Variants in KCNN1 observed in about 807,000 individuals in gnomAD.
KCNN1 encodes small conductance calcium-activated potassium channel protein 1.
Under a neutral mutation model 44.7 loss-of-function variants are expected in KCNN1, and 20 were observed. That is an observed-to-expected ratio of 0.45 (90% CI 0.32 to 0.65). The LOEUF is 0.65. Among genes scored for constraint, KCNN1 ranks in the 30% least tolerant of loss-of-function variants. The pLI, the probability that KCNN1 is intolerant of heterozygous loss-of-function variation, is 0.05. For missense variants in KCNN1, 632 were observed against 785.3 expected, an observed-to-expected ratio of 0.80 and a Z score of 2.33; for synonymous variants, 324 against 341.7, an observed-to-expected ratio of 0.95 and a Z score of 0.57.
Position 17,980,958 on chromosome 19 carries a change from T to A in KCNN1, c.499-751T>A, listed in dbSNP as rs537475046. ...CTCGCCAGGCACAGTGGCTCACACG[T>A]GTAATCCCAGCACTTTGGGAGGCCG... On this transcript the variant is annotated intron_variant, in intron 3 of 9. Transcript: ENST00000684775. 2.6e-5 allele frequency among the ~76,000 whole-genome samples: 4 copies of A among 152,252 alleles called. No individual in the cohort carries two copies. The South Asian group carries it at 8.3e-4, about 32-fold the overall frequency.
At chr19:17,980,784 T>G (rs1466265238) in intron 3 of KCNN1, among the ~76,000 whole-genome samples, 1 of 151,804 alleles carries the variant, frequency 6.6e-6, no homozygotes, top group Admixed American at 6.6e-5. Context: ...ATGCCTGTAA[T>G]CCCAGCTCCT....
chr19:17,988,595 C>T, intron 6 of KCNN1, 70 bp downstream of exon 6: 1 of 1,134,268 alleles, frequency 8.8e-7, no homozygotes, highest in Non-Finnish European at 1.3e-6. Flanking sequence ...CCCTGCTTTC[C>T]CTCTGTACGT....
At chr19:17,962,204 T>C (rs2031698155), upstream of KCNN1, among the ~76,000 whole-genome samples, 1 of 152,156 alleles carries the variant, frequency 6.6e-6, no homozygotes, top group Non-Finnish European at 1.5e-5. Context: ...CTGGTGGGCA[T>C]GACAGGGGCT....
intron 3 of KCNN1, among the ~76,000 whole-genome samples, chr19:17,978,957 G>A (rs1184599808): frequency 6.6e-6 from 1 of 151,704 alleles, no homozygotes; most frequent in African/African-American, 2.4e-5. Context: ...CTACTTGGGA[G>A]GTTGAGGTGG....
At chr19:17,987,231 T>C (rs1364961280) in intron 5 of KCNN1, among the ~76,000 whole-genome samples, 1 of 151,896 alleles carries the variant, frequency 6.6e-6, no homozygotes, top group African/African-American at 2.4e-5. Flanking sequence ...TGCTTCAGCC[T>C]CCTGAGTAGC....
rs368528532 is a variant in KCNN1 at position 17,993,138 on chromosome 19, G to A, written c.1307+76G>A. 5.9e-5 allele frequency: 92 copies of A among 1,565,918 alleles called. No individual in the cohort carries two copies. The South Asian group carries it at 8.0e-4, about 14-fold the overall frequency. On this transcript the variant is annotated intron_variant, in intron 8 of 9. Transcript: ENST00000684775. This position sits in a 1 kb window ranked among gnomAD's most constrained non-coding sequence, Gnocchi z 4.5. Reference sequence around the variant, plus strand: ...GTGGTCACAGACAGGGGGTACACCCGGGGCATGCCAACCCCAGCCTCAGAG... The same window carrying A: ...GTGGTCACAGACAGGGGGTACACCCAGGGCATGCCAACCCCAGCCTCAGAG...
At position 17,998,286 on chromosome 19, in the gene KCNN1, C is replaced by T. The variant is rs1342537013; in HGVS notation, c.1512C>T (p.Ala504=). ...TACAGGCCCTGCCTGGCCTCATCGC[C>T]CAAGCCATACGCCCACCCCCGCCTC... ...ASLQALPGLI[A]QAIRPPPPPL... The change falls in exon 10 of 10, where the codon GCC becomes GCT. Residue 504 remains alanine, a synonymous_variant. Transcript: ENST00000684775. This position sits in a 1 kb window ranked among gnomAD's most constrained non-coding sequence, Gnocchi z 5.4. The T allele has an allele frequency of 1.9e-6, 3 of 1,551,916 alleles. No individual in the cohort carries two copies. Among genetic ancestry groups the T allele is most frequent in the Admixed American group, 1.9e-5 (1 of 51,968 alleles).
In KCNN1 at chr19:17,989,900, C is replaced by T. The variant is rs1013774403; in HGVS notation, c.1298+57C>T. 6.2e-6 allele frequency: 10 copies of T among 1,609,698 alleles called. No homozygotes were observed. In the African/African-American group the frequency reaches 1.2e-4, roughly 19 times the overall value. On this transcript the variant is annotated intron_variant, in intron 7 of 9. Transcript: ENST00000684775. ...TGTGTCCACATGGCGCGGAGGCAGC[C>T]CTCGCAGCTCTGTGTGGCCTCTTCA...
rs2033125158 is a variant in KCNN1, at chr19:17,999,847, G to T, written c.*1441G>T. The T allele has an allele frequency of 2.5e-6, 1 of 398,036 alleles. No homozygotes were observed. Among genetic ancestry groups the T allele is most frequent in the African/African-American group, 2.1e-5 (1 of 48,252 alleles). The allele number at this position is 398,036 out of a possible 1,614,324, so 24.7% of individuals were successfully genotyped here. On this transcript the variant is annotated 3_prime_UTR_variant, in exon 10 of 10. Coordinates refer to ENST00000684775, the MANE Select transcript of KCNN1 (RefSeq NM_001386974.1). ...GATAACTAGGCCGTGGCTGGTGCAT[G>T]AATGACCAGCTTGGGCCCACGCACG... is the stretch of plus-strand genomic sequence containing the variant.
intron 7 of KCNN1, among the ~76,000 whole-genome samples, chr19:17,992,764 T>C (rs943866403): frequency 2.0e-5 from 3 of 152,170 alleles, no homozygotes; most frequent in African/African-American, 7.2e-5. Flanking sequence ...GCTTTACCCC[T>C]CTGAGCCTCA....
At chr19:17,959,749 G>C (rs1445166143) in intron 2 of KCNN1, among the ~76,000 whole-genome samples, 1 of 152,098 alleles carries the variant, frequency 6.6e-6, no homozygotes, top group Non-Finnish European at 1.5e-5. Flanking sequence ...GGCTCTGGGG[G>C]AGGTTACACC....
In KCNN1 at chr19:17,998,603, C is replaced by T; in HGVS notation, c.*197C>T. 3.8e-6 allele frequency: 2 copies of T among 524,796 alleles called. No homozygotes were observed. The highest frequency in any genetic ancestry group is 6.3e-6 in the Non-Finnish European group (2 of 315,962). The allele number at this position is 524,796 out of a possible 1,614,324, so 32.5% of individuals were successfully genotyped here. A position where few individuals can be genotyped will look rare whatever the true frequency, so the allele number is the denominator to read the frequency against. On this transcript the variant is annotated 3_prime_UTR_variant, in exon 10 of 10. Transcript: ENST00000684775. This position sits in a 1 kb window ranked among gnomAD's most constrained non-coding sequence, Gnocchi z 5.4. ...TGGGTGAGGGCAGGGGAGCCCGGAG[C>T]TTCCTCTGGTCACCTGGTCCCCCGA... is the stretch of plus-strand genomic sequence containing the variant.
At chr19:17,969,576 C>T (rs1222022367) in intron 1 of KCNN1, among the ~76,000 whole-genome samples, 2 of 152,188 alleles carry the variant, frequency 1.3e-5, no homozygotes, top group East Asian at 3.9e-4. Flanking sequence ...CCCAGGGCAC[C>T]TTAGGACGCG....
chr19:17,977,761 T>C (rs572045765), intron 3 of KCNN1, among the ~76,000 whole-genome samples: 6 of 152,268 alleles, frequency 3.9e-5, no homozygotes, highest in African/African-American at 1.4e-4. Flanking sequence ...TCAGAGGTAC[T>C]AGAGGTCAGG....
chr19:17,975,184 C>G lies in KCNN1; in HGVS notation c.495C>G (p.Ile165Met), dbSNP rs1294145741. ...TTGTCCTCTACCATGCCCGGGAGAT[C>G]CAGGTCAGTGCTGAATACTGCAGGA... Reference protein sequence around the residue: ...GLVVLYHAREIQLFMVDNGAD... With the variant: ...GLVVLYHAREMQLFMVDNGAD... Residue 165 changes from isoleucine to methionine, a missense_variant, in exon 3 of 10, where the codon ATC (isoleucine) becomes ATG (methionine). Ile to Met is a conservative substitution (Grantham distance 10). Around this residue, in one of 3 missense-constraint regions of KCNN1, gnomAD observed 160 missense variants for 308.3 expected, o/e 0.52. Transcript: ENST00000684775. 6.2e-7 allele frequency: 1 copy of G among 1,612,626 alleles called. No individual in the cohort carries two copies. The highest frequency in any genetic ancestry group is 8.5e-7 in the Non-Finnish European group (1 of 1,178,666).
chr19:17,980,833 G>C (rs1413253792), intron 3 of KCNN1, among the ~76,000 whole-genome samples: 2 of 152,052 alleles, frequency 1.3e-5, no homozygotes, highest in Admixed American at 6.6e-5. Context: ...TTGAGCCCAG[G>C]AGGTCAAGAC....
chr19:17,980,415 TTGTGAATG>T (rs2032365600), intron 3 of KCNN1, among the ~76,000 whole-genome samples: 1 of 151,712 alleles, frequency 6.6e-6, no homozygotes, highest in Admixed American at 6.6e-5. Flanking sequence ...AATAGTGCCG[TTGTGAATG>T]TGTCTGTCCA....
intron 3 of KCNN1, among the ~76,000 whole-genome samples, chr19:17,980,200 T>C (rs1029815498): frequency 6.8e-6 from 1 of 146,878 alleles, no homozygotes; most frequent in African/African-American, 2.5e-5. Flanking sequence ...AGGCTGAGAT[T>C]ACAGGCACCC....
At chr19:17,962,556 T>C (rs535013615), upstream of KCNN1, among the ~76,000 whole-genome samples, 1 of 152,090 alleles carries the variant, frequency 6.6e-6, no homozygotes, top group Non-Finnish European at 1.5e-5. Flanking sequence ...GCTCAGTAGA[T>C]GCTGATGGAA....
Sources: allele counts gnomAD v4.1 joint callset (sites outside exome capture counted in the v4.1 genomes callset), GRCh38; gene constraint gnomAD v4.1.1; regional missense constraint gnomAD v4.1.1; non-coding constraint Gnocchi (gnomAD v3.1); transcripts MANE v1.5; gene names NCBI Gene and HGNC (gene_info 2026-07-23, HGNC 2026-07-21).